Variants in CAMKK2 observed in about 807,000 individuals in gnomAD.
The protein encoded by CAMKK2 is calcium/calmodulin dependent protein kinase kinase 2, also known as calcium/calmodulin-dependent protein kinase kinase 2.
Under a neutral mutation model 67.2 loss-of-function variants are expected in CAMKK2, and 30 were observed. That is an observed-to-expected ratio of 0.45 (90% CI 0.33 to 0.61). The LOEUF (loss-of-function observed/expected upper bound fraction) is 0.61, where lower values mean the gene tolerates loss of function less well. Among genes scored for constraint, CAMKK2 ranks in the 20% least tolerant of loss-of-function variants. CAMKK2 has a pLI of 0.02. For missense variants in CAMKK2, 643 were observed against 802.0 expected (o/e 0.80, Z 2.39); for synonymous variants, 322 against 326.2 (o/e 0.99, Z 0.14).
chr12:121,279,351 A>G (rs1311100974), intron 1 of CAMKK2, among the ~76,000 whole-genome samples: 1 of 152,200 alleles, frequency 6.6e-6, no homozygotes, highest in Admixed American at 6.5e-5. Flanking sequence ...AGATGCATCC[A>G]GGGGCTTCTG....
intron 4 of CAMKK2, 128 bp from the exon 5 acceptor site, chr12:121,268,817 C>T (rs751170453): frequency 1.4e-5 from 11 of 812,078 alleles, no homozygotes; most frequent in Non-Finnish European, 2.3e-5. Flanking sequence ...CCCTGGCAGG[C>T]TCAGGTCAAC....
intron 1 of CAMKK2, among the ~76,000 whole-genome samples, chr12:121,294,065 T>C (rs949881543): frequency 1.3e-5 from 2 of 152,210 alleles, no homozygotes; most frequent in African/African-American, 4.8e-5. Flanking sequence ...CCCAAGTAGC[T>C]GGGATTACAG....
At position 121,274,099 on chromosome 12, in the gene CAMKK2, C is replaced by T. The variant is rs775765201; in HGVS notation, c.428G>A (p.Arg143Gln). ...GACGTGGTGAGACTCCACTGTCGGC[C>T]GCCGGGGCAGCCGAGGCGAGGACTG... Reference protein sequence around the residue: ...SPQSSPRLPRRPTVESHHVSI... With the variant: ...SPQSSPRLPRQPTVESHHVSI... The change falls in exon 2 of 17, where the codon CGG (arginine) becomes CAG (glutamine). Residue 143 changes from arginine (R) to glutamine (Q), a missense_variant. Physicochemically the swap from Arg to Gln is conservative, Grantham distance 43. Around this residue, in one of 3 missense-constraint regions of CAMKK2, gnomAD observed 483 missense variants for 625.8 expected, o/e 0.77. Transcript: ENST00000404169. 3.5e-5 allele frequency: 54 copies of T among 1,533,296 alleles called. No individual in the cohort carries two copies. The highest frequency in any genetic ancestry group is 8.5e-5 in the Admixed American group (4 of 47,292). The allele number at this position is 1,533,296 out of a possible 1,614,324, so 95.0% of individuals were successfully genotyped here.
At chr12:121,268,079 G>A (rs754336112) in intron 5 of CAMKK2, among the ~76,000 whole-genome samples, 49 of 50,354 alleles carry the variant, frequency 9.7e-4, no homozygotes, top group Non-Finnish European at 9.2e-4. Context: ...TATTCCATTG[G>A]ATGCATATAT....
At chr12:121,276,884 C>CAAAAAAAAA (rs1290040453) in intron 1 of CAMKK2, among the ~76,000 whole-genome samples, 1 of 102,042 alleles carries the variant, frequency 9.8e-6, no homozygotes, top group Admixed American at 1.5e-4. Context: ...GACTCCATCT[C>CAAAAAAAAA]AAAAAAAAAG....
At chr12:121,289,690 C>T (rs965178198) in intron 1 of CAMKK2, among the ~76,000 whole-genome samples, 3 of 151,936 alleles carry the variant, frequency 2.0e-5, no homozygotes, top group Admixed American at 1.3e-4. Context: ...GTCAGGAGTT[C>T]GAGACCAGCC....
intron 1 of CAMKK2, among the ~76,000 whole-genome samples, chr12:121,293,263 G>C (rs183159807): frequency 6.6e-6 from 1 of 152,180 alleles, no homozygotes; most frequent in East Asian, 1.9e-4. Context: ...GGCAACAAGA[G>C]GGAAACTCCA....
chr12:121,282,749 T>TTTTTCTTTTC (rs142853866), intron 1 of CAMKK2, among the ~76,000 whole-genome samples: 4 of 150,544 alleles, frequency 2.7e-5, no homozygotes, highest in Non-Finnish European at 4.4e-5. Context: ...TCTGTTCTTT[T>TTTTTCTTTTC]TTTTCTTTTC....
chr12:121,248,608 C>T lies in CAMKK2; in HGVS notation c.1450G>A (p.Val484Met), dbSNP rs747012116. The stretch of plus-strand genomic sequence containing the variant: ...GGTCAGGGGTCCATCCACCTTACCA[C>T]GGTTGCCAAGCTGGGAATGTGTTTG... ...SVKHIPSLAT[V>M]ILVKTMIRKR... The change falls in exon 14 of 17, where the codon GTG becomes ATG. Residue 484 changes from valine to methionine, a missense_variant and splice_region_variant. Physicochemically the swap from Val to Met is conservative, Grantham distance 21. Coordinates refer to ENST00000404169, the MANE Select transcript of CAMKK2 (RefSeq NM_001270485.2). 9.3e-6 allele frequency: 15 copies of T among 1,614,064 alleles called. No individual in the cohort carries two copies. The highest frequency in any genetic ancestry group is 2.7e-5 in the African/African-American group (2 of 74,942).
intron 13 of CAMKK2, 108 bp from the exon 14 acceptor site, chr12:121,248,842 T>C (rs1173243562): frequency 2.3e-6 from 3 of 1,320,752 alleles, no homozygotes; most frequent in Non-Finnish European, 3.2e-6. Flanking sequence ...CAAGGGCCTG[T>C]GGTCAGGCAT....
intron 1 of CAMKK2, among the ~76,000 whole-genome samples, chr12:121,286,628 T>C (rs148059420): frequency 0.018 from 2,704 of 151,020 alleles, 31 homozygotes; most frequent in East Asian, 0.043. Context: ...ACTGCAGCCT[T>C]GATCTCCCGG....
intron 1 of CAMKK2, among the ~76,000 whole-genome samples, chr12:121,275,608 T>A (rs1157622336): frequency 1.3e-5 from 2 of 152,058 alleles, no homozygotes; most frequent in African/African-American, 4.8e-5. Context: ...TATATATGAT[T>A]CTATTTATAT....
At chr12:121,277,600 A>T (rs1897047251) in intron 1 of CAMKK2, among the ~76,000 whole-genome samples, 1 of 152,076 alleles carries the variant, frequency 6.6e-6, no homozygotes, top group Non-Finnish European at 1.5e-5. Context: ...CCGTGAAGAC[A>T]TACGCTAAGT....
chr12:121,255,685 C>T (rs201492021), intron 8 of CAMKK2, 47 bp from the exon 9 acceptor site: 43 of 1,608,378 alleles, frequency 2.7e-5, no homozygotes, highest in Non-Finnish European at 3.5e-5. Context: ...CCCGCCAGCC[C>T]TTGCCCTCTC....
chr12:121,288,275 G>A (rs1264235683), intron 1 of CAMKK2, among the ~76,000 whole-genome samples: 3 of 152,178 alleles, frequency 2.0e-5, no homozygotes, highest in African/African-American at 4.8e-5. Context: ...GATGGAGAGG[G>A]CCAGCTCGAA....
intron 1 of CAMKK2, among the ~76,000 whole-genome samples, chr12:121,279,954 T>G (rs1490778931): frequency 6.6e-6 from 1 of 152,208 alleles, no homozygotes; most frequent in Non-Finnish European, 1.5e-5. Flanking sequence ...TGCCAGTGGG[T>G]GCCAAAGAGG....
At chr12:121,258,903 C>T (rs943063366) in intron 7 of CAMKK2, among the ~76,000 whole-genome samples, 2 of 149,128 alleles carry the variant, frequency 1.3e-5, no homozygotes, top group Non-Finnish European at 3.0e-5. Flanking sequence ...AATGCAGTGG[C>T]GCCATCTTGG....
intron 1 of CAMKK2, among the ~76,000 whole-genome samples, chr12:121,282,424 C>T (rs56330813): frequency 0.011 from 1,692 of 152,166 alleles, 24 homozygotes; most frequent in African/African-American, 0.039. Context: ...CAGAATGTGG[C>T]CTTATTTGGA....
At chr12:121,257,408 G>A (rs774901890) in intron 7 of CAMKK2, among the ~76,000 whole-genome samples, 3 of 151,776 alleles carry the variant, frequency 2.0e-5, no homozygotes, top group Admixed American at 6.6e-5. Flanking sequence ...CACCACACCC[G>A]GCTAATTTTT....
Sources: allele counts gnomAD v4.1 joint callset (sites outside exome capture counted in the v4.1 genomes callset), GRCh38; gene constraint gnomAD v4.1.1; regional missense constraint gnomAD v4.1.1; transcripts MANE v1.5; gene names NCBI Gene and HGNC (gene_info 2026-07-23, HGNC 2026-07-21).